The following SIK2 variants were observed in gnomAD, a reference collection of about 807,000 sequenced individuals.
SIK2 encodes serine/threonine-protein kinase SIK2.
In SIK2, 29 loss-of-function variants were observed where a neutral mutation model predicts 103.2. That is an observed-to-expected ratio of 0.28 (90% CI 0.21 to 0.38). SIK2 has a LOEUF of 0.38. Ranked by LOEUF, SIK2 falls within the 10% of genes least tolerant of loss-of-function variation. The probability of loss-of-function intolerance (pLI) is 1.00; values close to 1 mark genes in which losing one functional copy is unlikely to be tolerated. For synonymous variants in SIK2, 412 were observed against 446.1 expected (o/e 0.92, Z 0.96); for missense variants, 879 against 1,171.0 (o/e 0.75, Z 3.64).
intron 3 of SIK2, among the ~76,000 whole-genome samples, chr11:111,635,052 G>A (rs1270642218): frequency 6.6e-6 from 1 of 152,114 alleles, no homozygotes; most frequent in Non-Finnish European, 1.5e-5. Context: ...GATCTAATTG[G>A]ATTATTTATA....
intron 3 of SIK2, among the ~76,000 whole-genome samples, chr11:111,640,926 G>C (rs1942174943): frequency 6.6e-6 from 1 of 151,724 alleles, no homozygotes; most frequent in Admixed American, 6.6e-5. Flanking sequence ...AGTAGAGACG[G>C]GGTTTCACCA....
chr11:111,688,137 T>C lies in SIK2; in HGVS notation c.453T>C (p.Asp151=), dbSNP rs1232363056. ...RDLKAENLLL[D]NNMNIKIADF... ...TCAAAGCTGAAAATCTCCTGCTGGA[T>C]AACAACATGAATATCAAAATAGCAG... Residue 151 remains aspartate (D), a synonymous_variant, in exon 4 of 15, where the codon GAT becomes GAC. Transcript: ENST00000304987. The surrounding 1 kb of genome is among the most constrained non-coding windows in gnomAD (Gnocchi z 4.2). 7 of 1,614,044 alleles carry C rather than the reference T, an allele frequency of 4.3e-6. No individual in the cohort carries two copies. The highest frequency in any genetic ancestry group is 5.9e-6 in the Non-Finnish European group (7 of 1,180,010).
intron 3 of SIK2, among the ~76,000 whole-genome samples, chr11:111,631,965 G>A (rs1218950157): frequency 1.3e-5 from 2 of 152,102 alleles, no homozygotes; most frequent in Non-Finnish European, 2.9e-5. Flanking sequence ...TAATTATATT[G>A]TACCTCATTC....
intron 2 of SIK2, among the ~76,000 whole-genome samples, chr11:111,619,543 C>G (rs182160274): frequency 6.6e-6 from 1 of 152,094 alleles, no homozygotes; most frequent in Non-Finnish European, 1.5e-5. Context: ...CGGGGTTTTG[C>G]CATGTTGGCC....
At chr11:111,708,954 G>A (rs1943423779) in intron 8 of SIK2, among the ~76,000 whole-genome samples, 1 of 152,138 alleles carries the variant, frequency 6.6e-6, no homozygotes, top group Admixed American at 6.6e-5. Context: ...GTTTCCATCA[G>A]CTGGAAACAA....
At chr11:111,706,212 C>A (rs567579233) in intron 8 of SIK2, among the ~76,000 whole-genome samples, 2 of 152,242 alleles carry the variant, frequency 1.3e-5, no homozygotes, top group East Asian at 3.9e-4. Context: ...ATATGCCTGG[C>A]ACATAGTAAG....
chr11:111,657,849 T>C (rs1942412971), intron 3 of SIK2, among the ~76,000 whole-genome samples: 1 of 151,774 alleles, frequency 6.6e-6, no homozygotes, highest in Admixed American at 6.6e-5. Context: ...CTAGAGCAAA[T>C]GGAAGAGGAA....
At chr11:111,648,659 A>T (rs1208650131) in intron 3 of SIK2, among the ~76,000 whole-genome samples, 1 of 151,878 alleles carries the variant, frequency 6.6e-6, no homozygotes, top group African/African-American at 2.4e-5. Context: ...ATATATATAT[A>T]TTTTCACAGA....
At chr11:111,683,949 T>G (rs1215906934) in intron 3 of SIK2, among the ~76,000 whole-genome samples, 3 of 152,200 alleles carry the variant, frequency 2.0e-5, no homozygotes, top group Non-Finnish European at 4.4e-5. Context: ...TTTTCAAGGA[T>G]GCCTACACTG....
chr11:111,633,153 G>A (rs904222104), intron 3 of SIK2, among the ~76,000 whole-genome samples: 1 of 152,132 alleles, frequency 6.6e-6, no homozygotes, highest in East Asian at 1.9e-4. Context: ...TTTGCTCTCT[G>A]CCTATTGAAA....
At chr11:111,708,509 T>C (rs572663529) in intron 8 of SIK2, among the ~76,000 whole-genome samples, 1 of 152,334 alleles carries the variant, frequency 6.6e-6, no homozygotes, top group East Asian at 1.9e-4. Flanking sequence ...TTAGATCTAA[T>C]TGAGTTGAGA....
At chr11:111,711,485 C>T (rs533901619) in intron 8 of SIK2, among the ~76,000 whole-genome samples, 1 of 152,320 alleles carries the variant, frequency 6.6e-6, no homozygotes, top group South Asian at 2.1e-4. Context: ...ACAAACGAGA[C>T]GTGAGAACAG....
intron 3 of SIK2, chr11:111,672,407 TG>T: frequency 2.5e-6 from 1 of 407,758 alleles, no homozygotes; most frequent in Non-Finnish European, 4.2e-6. Context: ...ATGGACACAG[TG>T]GAGGCAGGAG....
At chr11:111,721,119 C>T (rs1015680646) in intron 12 of SIK2, 57 bp downstream of exon 12, 54 of 1,537,468 alleles carry the variant, frequency 3.5e-5, no homozygotes, top group Non-Finnish European at 4.5e-5. Context: ...GTGAGTTTGT[C>T]CTGAAGATGG....
chr11:111,648,503 G>T (rs889499646), intron 3 of SIK2, among the ~76,000 whole-genome samples: 1 of 151,978 alleles, frequency 6.6e-6, no homozygotes, highest in African/African-American at 2.4e-5. Flanking sequence ...TCTCCCAAAG[G>T]CCACACCTCC....
intron 3 of SIK2, 63 bp from the exon 4 acceptor site, chr11:111,687,938 G>A: frequency 6.4e-7 from 1 of 1,565,018 alleles, no homozygotes; most frequent in Non-Finnish European, 8.7e-7. Flanking sequence ...AAAATTTCCT[G>A]ACTACTAATA....
At chr11:111,670,980 A>G in intron 3 of SIK2, 1 of 167,008 alleles carries the variant, frequency 6.0e-6, no homozygotes, top group Admixed American at 6.1e-5. Context: ...CAGAGGACTT[A>G]GACATCAGCT....
At chr11:111,695,194 C>T (rs1482194036) in intron 4 of SIK2, among the ~76,000 whole-genome samples, 3 of 152,108 alleles carry the variant, frequency 2.0e-5, no homozygotes, top group African/African-American at 4.8e-5. Flanking sequence ...AACTCTTCAT[C>T]GAGGCTGGGT....
intron 3 of SIK2, among the ~76,000 whole-genome samples, chr11:111,633,325 A>G (rs1231604635): frequency 2.0e-5 from 3 of 152,194 alleles, no homozygotes; most frequent in East Asian, 1.9e-4. Context: ...ACTGTTATTT[A>G]AAGTCTGCAT....
Sources: gnomAD v4.1 joint callset for allele counts (sites outside exome capture counted in the v4.1 genomes callset) on GRCh38, gnomAD v4.1.1 for gene constraint, Gnocchi (gnomAD v3.1) non-coding constraint, MANE v1.5 for transcripts, NCBI Gene and HGNC (gene_info 2026-07-23, HGNC 2026-07-21) for gene names.